Variants in PPP2R2B observed in about 807,000 individuals in gnomAD.
The protein encoded by PPP2R2B is serine/threonine-protein phosphatase 2A 55 kDa regulatory subunit B beta isoform.
PPP2R2B carries 5 observed loss-of-function variants against 46.0 expected under a neutral mutation model. The observed-to-expected ratio is 0.11, with a 90% CI of 0.06 to 0.23. The LOEUF is 0.23. Among genes scored for constraint, PPP2R2B ranks in the 10% least tolerant of loss-of-function variants. The probability of loss-of-function intolerance (pLI) is 1.00; values close to 1 mark genes in which losing one functional copy is unlikely to be tolerated. For missense variants in PPP2R2B, 367 were observed against 575.0 expected (o/e 0.64, Z 3.70); for synonymous variants, 215 against 206.7 (o/e 1.04, Z -0.34).
chr5:147,041,630 G>T (rs1281172257), intron 1 of PPP2R2B, among the ~76,000 whole-genome samples: 1 of 152,018 alleles, frequency 6.6e-6, no homozygotes, highest in African/African-American at 2.4e-5. Context: ...TCCTTAGAAG[G>T]CACTGGGGTA....
At chr5:146,646,314 C>G (rs1775577687) in intron 6 of PPP2R2B, among the ~76,000 whole-genome samples, 1 of 152,136 alleles carries the variant, frequency 6.6e-6, no homozygotes, top group Admixed American at 6.5e-5. Flanking sequence ...AAAAAGAGTT[C>G]AAAGGATTCT....
intron 9 of PPP2R2B, among the ~76,000 whole-genome samples, chr5:146,591,874 G>A (rs1047244639): frequency 4.6e-5 from 7 of 152,076 alleles, no homozygotes; most frequent in African/African-American, 1.4e-4. Context: ...AAATGAGAAC[G>A]ATGGAAGCAA....
intron 2 of PPP2R2B, among the ~76,000 whole-genome samples, chr5:146,853,328 A>G (rs1016156096): frequency 6.6e-6 from 1 of 152,156 alleles, no homozygotes; most frequent in Non-Finnish European, 1.5e-5. Flanking sequence ...GATAGTATAG[A>G]GTTCCATGTA....
chr5:146,738,345 G>A (rs1752665474), intron 2 of PPP2R2B, among the ~76,000 whole-genome samples: 2 of 142,364 alleles, frequency 1.4e-5, no homozygotes, highest in Non-Finnish European at 3.0e-5. Flanking sequence ...GCAGTGAGCC[G>A]AGATCATGCC....
intron 1 of PPP2R2B, among the ~76,000 whole-genome samples, chr5:146,948,452 A>G (rs1013554814): frequency 9.2e-5 from 14 of 152,118 alleles, no homozygotes; most frequent in Admixed American, 7.2e-4. Context: ...AAATTTCAAT[A>G]AATATTAGCT....
chr5:146,924,392 T>C (rs577118689), intron 1 of PPP2R2B, among the ~76,000 whole-genome samples: 3 of 152,338 alleles, frequency 2.0e-5, no homozygotes, highest in African/African-American at 7.2e-5. Context: ...TAATGGTAGC[T>C]GCCTGAAGTT....
At chr5:147,001,858 G>A (rs1334309645) in intron 1 of PPP2R2B, among the ~76,000 whole-genome samples, 1 of 152,120 alleles carries the variant, frequency 6.6e-6, no homozygotes, top group Non-Finnish European at 1.5e-5. Flanking sequence ...GGGAGCATTG[G>A]TTTGCCTGGA....
intron 5 of PPP2R2B, among the ~76,000 whole-genome samples, chr5:146,689,032 G>A (rs1186151175): frequency 6.6e-6 from 1 of 152,032 alleles, no homozygotes; most frequent in African/African-American, 2.4e-5. Flanking sequence ...AAATACAACA[G>A]TATAAAAAGT....
chr5:147,030,965 G>A (rs1213821865), intron 1 of PPP2R2B, among the ~76,000 whole-genome samples: 1 of 152,092 alleles, frequency 6.6e-6, no homozygotes, highest in Non-Finnish European at 1.5e-5. Context: ...GGCCGTGCGC[G>A]GTGGCTCACG....
At chr5:146,952,729 T>C (rs1186951237) in intron 1 of PPP2R2B, among the ~76,000 whole-genome samples, 1 of 152,140 alleles carries the variant, frequency 6.6e-6, no homozygotes, top group African/African-American at 2.4e-5. Context: ...ACCATCTGTA[T>C]AGTCTGGAAC....
intron 2 of PPP2R2B, among the ~76,000 whole-genome samples, chr5:146,801,280 T>C (rs1756850670): frequency 6.6e-6 from 1 of 152,180 alleles, no homozygotes; most frequent in African/African-American, 2.4e-5. Context: ...GTTAACATTA[T>C]TGTATTGTAG....
chr5:146,815,445 C>T (rs2151326161), intron 2 of PPP2R2B, among the ~76,000 whole-genome samples: 1 of 152,334 alleles, frequency 6.6e-6, no homozygotes, highest in South Asian at 2.1e-4. Flanking sequence ...ACAGTAGGTG[C>T]TCACTAAGCA....
intron 2 of PPP2R2B, among the ~76,000 whole-genome samples, chr5:146,866,748 T>C (rs1372778737): frequency 6.6e-6 from 1 of 152,164 alleles, no homozygotes; most frequent in Admixed American, 6.5e-5. Flanking sequence ...CCAGAATACT[T>C]AACCTGATTC....
intron 1 of PPP2R2B, among the ~76,000 whole-genome samples, chr5:146,965,683 A>G (rs1752368506): frequency 1.3e-5 from 2 of 152,216 alleles, no homozygotes; most frequent in South Asian, 4.1e-4. Context: ...ATTTGGTAGT[A>G]TGAATGCTAG....
chr5:146,752,472 T>C (rs1293388950), intron 2 of PPP2R2B, among the ~76,000 whole-genome samples: 1 of 152,212 alleles, frequency 6.6e-6, no homozygotes, highest in Non-Finnish European at 1.5e-5. Flanking sequence ...CTTATTCATT[T>C]TATTTGACTC....
At chr5:146,736,288 T>A (rs1752533501) in intron 2 of PPP2R2B, among the ~76,000 whole-genome samples, 2 of 152,188 alleles carry the variant, frequency 1.3e-5, no homozygotes, top group Admixed American at 1.3e-4. Context: ...AGTTACCCAT[T>A]CTTGGGTATG....
At chr5:146,841,296 A>AACT (rs1419343493) in intron 2 of PPP2R2B, among the ~76,000 whole-genome samples, 3 of 152,220 alleles carry the variant, frequency 2.0e-5, no homozygotes, top group African/African-American at 7.2e-5. Context: ...AGGCAGCATT[A>AACT]ACTACTCTTG....
Position 146,663,135 on chromosome 5 carries a change from T to A in PPP2R2B, c.448-12411A>T, listed in dbSNP as rs1378363833. On this transcript the variant is annotated intron_variant, in intron 5 of 9. Coordinates refer to ENST00000394411, the MANE Select transcript of PPP2R2B (RefSeq NM_181675.4). ...TGAGGTAGGTATTCATATCATCCTC[T>A]TTTTACAGATCAGCATATCTGAGAC... Among the ~76,000 whole-genome samples, 6 of 152,144 alleles carry A rather than the reference T, an allele frequency of 3.9e-5. No individual in the cohort carries two copies. In the East Asian group the frequency reaches 1.2e-3, roughly 29 times the overall value.
intron 2 of PPP2R2B, among the ~76,000 whole-genome samples, chr5:146,729,328 T>A (rs928570748): frequency 5.9e-5 from 9 of 152,200 alleles, no homozygotes; most frequent in Non-Finnish European, 1.0e-4. Context: ...CAAGAGGTGA[T>A]GTCAGTACTG....
Sources: gnomAD v4.1 joint callset for allele counts (sites outside exome capture counted in the v4.1 genomes callset) on GRCh38, gnomAD v4.1.1 for gene constraint, MANE v1.5 for transcripts, NCBI Gene and HGNC (gene_info 2026-07-23, HGNC 2026-07-21) for gene names.